The following MERTK variants were observed in gnomAD, a reference collection of about 807,000 sequenced individuals.
The protein encoded by MERTK is MER proto-oncogene, tyrosine kinase.
A neutral mutation model predicts 99.3 loss-of-function variants in MERTK; 69 were observed. That is an observed-to-expected ratio of 0.70 (90% CI 0.57 to 0.85). MERTK has a LOEUF of 0.85. Among genes scored for constraint, MERTK ranks in the 40% least tolerant of loss-of-function variants. The pLI is 0.00. For missense variants in MERTK, 1,125 were observed against 1,249.4 expected, an observed-to-expected ratio of 0.90 and a Z score of 1.50; for synonymous variants, 426 against 467.6, an observed-to-expected ratio of 0.91 and a Z score of 1.15.
intron 6 of MERTK, among the ~76,000 whole-genome samples, chr2:111,974,900 G>A (rs1480726444): frequency 1.3e-5 from 2 of 151,860 alleles, no homozygotes; most frequent in Admixed American, 1.3e-4. Flanking sequence ...TTCAGGGTTT[G>A]CCAGCACATA....
intron 1 of MERTK, among the ~76,000 whole-genome samples, chr2:111,916,968 C>T (rs1275353175): frequency 6.6e-6 from 1 of 152,076 alleles, no homozygotes; most frequent in Non-Finnish European, 1.5e-5. Flanking sequence ...GTGGCAGTTC[C>T]GGCTCCCCAC....
At chr2:112,022,185 T>C in intron 17 of MERTK, 73 bp from the exon 18 acceptor site, 1 of 1,603,112 alleles carries the variant, frequency 6.2e-7, no homozygotes, top group Non-Finnish European at 8.5e-7. Flanking sequence ...GGAAATGACC[T>C]TTCCCAGTGA....
rs954895237 is a variant in MERTK at position 111,911,314 on chromosome 2, G to C, written c.61+12518G>C. 4.9e-4 allele frequency among the ~76,000 whole-genome samples: 74 copies of C among 152,122 alleles called. 1 individual carries two copies. The highest frequency in any genetic ancestry group is 3.4e-3 in the Middle Eastern group (1 of 294). On this transcript the variant is annotated intron_variant, in intron 1 of 18. Coordinates refer to ENST00000295408, the MANE Select transcript of MERTK (RefSeq NM_006343.3). ...ATCTGAGTTGAAAAGTGTAACCTTT[G>C]TTCATTTATCTTCATAGACAAATAT...
chr2:112,021,386 TCTGACGCTG>T (rs758855166), intron 16 of MERTK, 27 bp from the exon 17 acceptor site: 1 of 1,611,450 alleles, frequency 6.2e-7, no homozygotes, highest in African/African-American at 1.3e-5. Flanking sequence ...AGGCATTGCC[TCTGACGCTG>T]CTGAAGACGT....
At chr2:111,905,849 A>G (rs1344543593) in intron 1 of MERTK, among the ~76,000 whole-genome samples, 4 of 152,178 alleles carry the variant, frequency 2.6e-5, no homozygotes, top group Admixed American at 6.5e-5. Flanking sequence ...CTTTCACTCA[A>G]TGGTAAATGG....
chr2:111,987,850 C>T (rs870762), intron 8 of MERTK, among the ~76,000 whole-genome samples: 94,048 of 152,002 alleles, frequency 0.62, 29,468 homozygotes, highest in Middle Eastern at 0.7. Context: ...CATTTTTATA[C>T]GTGCGGTTTT....
rs537279097 is a variant in MERTK, at chr2:111,980,567, C to T, written c.1145-2275C>T. ...CTGAGTAGCTGGGACTACAGGCGCC[C>T]GCCACCACGCCCGGCTAATTTTTTG... On this transcript the variant is annotated intron_variant, in intron 7 of 18. Coordinates refer to ENST00000295408, the MANE Select transcript of MERTK (RefSeq NM_006343.3). Among the ~76,000 whole-genome samples the T allele has an allele frequency of 3.9e-5, 6 of 152,016 alleles. No homozygotes were observed. In the East Asian group the frequency reaches 9.7e-4, roughly 25 times the overall value.
At chr2:111,930,072 G>T (rs1684642808) in intron 2 of MERTK, 1 of 153,094 alleles carries the variant, frequency 6.5e-6, no homozygotes, top group South Asian at 2.1e-4. Context: ...ATACTCAGGG[G>T]CTGGGCCTGG....
Position 111,979,980 on chromosome 2 carries a change from T to C in MERTK, c.1145-2862T>C, listed in dbSNP as rs535010174. Among the ~76,000 whole-genome samples the C allele has an allele frequency of 3.3e-5, 5 of 152,306 alleles. No individual in the cohort carries two copies. The South Asian group carries it at 8.3e-4, about 25-fold the overall frequency. ...GCTCCTATGGAAGAGTGAAGAATCA[T>C]TGATTTGATTGGAACTCTGTGGGTA... On this transcript the variant is annotated intron_variant, in intron 7 of 18. Transcript: ENST00000295408.
At position 111,975,349 on chromosome 2, in the gene MERTK, C is replaced by A. The variant is rs892521266; in HGVS notation, c.1021C>A (p.Pro341Thr). The change falls in exon 7 of 19, where the codon CCA becomes ACA. Residue 341 changes from proline to threonine, a missense_variant. By Grantham distance (38) the Pro-to-Thr change is conservative (BLOSUM62 -1). Transcript: ENST00000295408. ...CATGATTTTTAACACCTCTGCCTTACCACATCTGTACCAAATCAAGCAGCT... is the reference window on the plus strand; with the variant it reads ...CATGATTTTTAACACCTCTGCCTTAACACATCTGTACCAAATCAAGCAGCT... ...SVMIFNTSAL[P>T]HLYQIKQLQA... The A allele has an allele frequency of 6.2e-7, 1 of 1,614,162 alleles. No homozygotes were observed. Among genetic ancestry groups the A allele is most frequent in the Non-Finnish European group, 8.5e-7 (1 of 1,180,018 alleles).
At chr2:111,997,618 G>A in intron 10 of MERTK, 142 bp downstream of exon 10, 1 of 999,916 alleles carries the variant, frequency 1.0e-6, no homozygotes, top group Non-Finnish European at 1.5e-6. Flanking sequence ...GGCTCAGGCA[G>A]CTTCCTGACT....
intron 2 of MERTK, among the ~76,000 whole-genome samples, chr2:111,937,333 T>A (rs1573584106): frequency 6.6e-6 from 1 of 151,096 alleles, no homozygotes; most frequent in Non-Finnish European, 1.5e-5. Context: ...ACACTTGTGG[T>A]CCCAGCTACT....
At chr2:112,014,790 C>G (rs1286045246) in intron 15 of MERTK, among the ~76,000 whole-genome samples, 1 of 151,976 alleles carries the variant, frequency 6.6e-6, no homozygotes, top group East Asian at 1.9e-4. Flanking sequence ...CGCCTGCCAC[C>G]ACGCCTGGCT....
chr2:112,014,550 A>T (rs1677178182), intron 15 of MERTK, among the ~76,000 whole-genome samples: 1 of 152,006 alleles, frequency 6.6e-6, no homozygotes, highest in Non-Finnish European at 1.5e-5. Context: ...AGCAAAAAAG[A>T]TTAAAAATAC....
intron 13 of MERTK, among the ~76,000 whole-genome samples, chr2:112,007,956 A>G (rs769596809): frequency 6.6e-6 from 1 of 152,034 alleles, no homozygotes; most frequent in African/African-American, 2.4e-5. Context: ...GAATGCCCAT[A>G]GGTCCCCTCC....
At chr2:111,972,150 C>T (rs1676135106) in intron 6 of MERTK, among the ~76,000 whole-genome samples, 1 of 152,224 alleles carries the variant, frequency 6.6e-6, no homozygotes. Flanking sequence ...CCTGCCTCAG[C>T]CTCCTGAGTA....
At chr2:111,981,738 TACACACACACACAC>T (rs397873336) in intron 7 of MERTK, among the ~76,000 whole-genome samples, 1 of 25,016 alleles carries the variant, frequency 4.0e-5, no homozygotes, top group East Asian at 3.5e-4. Context: ...TACACTCGTG[TACACACACACACAC>T]ACACACACAC....
chr2:111,997,146 A>G, intron 9 of MERTK, 177 bp from the exon 10 acceptor site: 1 of 796,736 alleles, frequency 1.3e-6, no homozygotes, highest in Non-Finnish European at 2.2e-6. Context: ...GTTTCCCATC[A>G]GTTATTAAGA....
chr2:111,953,538 C>T (rs1685092978), intron 4 of MERTK, among the ~76,000 whole-genome samples: 1 of 152,066 alleles, frequency 6.6e-6, no homozygotes, highest in Admixed American at 6.5e-5. Context: ...TCTCTCTCGC[C>T]CATCCAACAG....
Sources: gnomAD v4.1 joint callset for allele counts (sites outside exome capture counted in the v4.1 genomes callset) on GRCh38, gnomAD v4.1.1 for gene constraint, MANE v1.5 for transcripts, NCBI Gene and HGNC (gene_info 2026-07-23, HGNC 2026-07-21) for gene names.